The following SLC24A3 variants were observed in gnomAD, a reference collection of about 807,000 sequenced individuals.
SLC24A3 encodes sodium/potassium/calcium exchanger 3.
A neutral mutation model predicts 75.8 loss-of-function variants in SLC24A3; 28 were observed. The ratio of observed to expected loss-of-function variants is 0.37; its 90% CI spans 0.27 to 0.51. SLC24A3 has a LOEUF of 0.51. SLC24A3 is among the 20% of genes least tolerant of loss of function. The probability of loss-of-function intolerance (pLI) is 0.94; values close to 1 mark genes in which losing one functional copy is unlikely to be tolerated. For synonymous variants in SLC24A3, 372 were observed against 334.1 expected (o/e 1.11, Z -1.24); for missense variants, 663 against 847.8 (o/e 0.78, Z 2.71).
intron 2 of SLC24A3, among the ~76,000 whole-genome samples, chr20:19,435,067 A>G (rs979602853): frequency 2.0e-5 from 3 of 152,192 alleles, no homozygotes; most frequent in Non-Finnish European, 4.4e-5. Context: ...TGATCCAATT[A>G]CTCCAGCTTT....
At chr20:19,323,189 G>A (rs2122279819) in intron 2 of SLC24A3, among the ~76,000 whole-genome samples, 2 of 129,218 alleles carry the variant, frequency 1.5e-5, no homozygotes, top group Middle Eastern at 0.011. Context: ...CTGGGCGACA[G>A]AGCGAGACTC....
chr20:19,260,834 C>A (rs1368272331), intron 1 of SLC24A3, among the ~76,000 whole-genome samples: 1 of 152,156 alleles, frequency 6.6e-6, no homozygotes, highest in Non-Finnish European at 1.5e-5. Flanking sequence ...AGTTAGGTAA[C>A]CCCCTCCGGC....
At chr20:19,509,716 G>C (rs1007373901) in intron 2 of SLC24A3, among the ~76,000 whole-genome samples, 1 of 152,246 alleles carries the variant, frequency 6.6e-6, no homozygotes, top group Non-Finnish European at 1.5e-5. Context: ...TGTTCTCAGA[G>C]TTCTTCATCC....
intron 6 of SLC24A3, among the ~76,000 whole-genome samples, chr20:19,594,705 T>C (rs6136782): frequency 0.36 from 54,112 of 151,950 alleles, 9,822 homozygotes; most frequent in Middle Eastern, 0.45. Context: ...GCTGAGTGGA[T>C]GGATGGATGG....
chr20:19,303,749 C>T lies in SLC24A3; in HGVS notation c.271+22662C>T, dbSNP rs190597982. On this transcript the variant is annotated intron_variant, in intron 2 of 16. Coordinates refer to ENST00000328041, the MANE Select transcript of SLC24A3 (RefSeq NM_020689.4). ...TGTTCTATGCAAAAGGAAGTCACCT[C>T]GTGTGTTCCAAGGATGAGAAAAAAC... is the stretch of plus-strand genomic sequence containing the variant. 5.5e-4 allele frequency among the ~76,000 whole-genome samples: 83 copies of T among 152,250 alleles called. 1 individual carries two copies. Among genetic ancestry groups the T allele is most frequent in the African/African-American group, 1.4e-3 (60 of 41,538 alleles).
At position 19,328,530 on chromosome 20, in the gene SLC24A3, G is replaced by A. The variant is rs57189983; in HGVS notation, c.271+47443G>A. 7.1e-3 allele frequency among the ~76,000 whole-genome samples: 1,083 copies of A among 152,258 alleles called. 13 individuals are homozygous for A. Among genetic ancestry groups the A allele is most frequent in the African/African-American group, 0.025 (1,041 of 41,526 alleles). Reference sequence around the variant, plus strand: ...GGTTTGCCTTCTTGCAGGATTGACTGGACATGGTTTGAATTGGTGACAACA... The same window carrying A: ...GGTTTGCCTTCTTGCAGGATTGACTAGACATGGTTTGAATTGGTGACAACA... On this transcript the variant is annotated intron_variant, in intron 2 of 16. Coordinates refer to ENST00000328041, the MANE Select transcript of SLC24A3 (RefSeq NM_020689.4).
At chr20:19,347,040 A>G (rs1985445726) in intron 2 of SLC24A3, among the ~76,000 whole-genome samples, 1 of 152,226 alleles carries the variant, frequency 6.6e-6, no homozygotes, top group Non-Finnish European at 1.5e-5. Flanking sequence ...AGTGATATGA[A>G]GAAATGAGCC....
At chr20:19,610,685 C>G (rs940208197) in intron 6 of SLC24A3, among the ~76,000 whole-genome samples, 7 of 152,230 alleles carry the variant, frequency 4.6e-5, no homozygotes, top group Non-Finnish European at 8.8e-5. Flanking sequence ...CAGGTCACTG[C>G]TCTGGACACC....
At chr20:19,518,046 T>C (rs1216362936) in intron 3 of SLC24A3, among the ~76,000 whole-genome samples, 1 of 152,218 alleles carries the variant, frequency 6.6e-6, no homozygotes, top group East Asian at 1.9e-4. Flanking sequence ...ACAGTCACTT[T>C]TTGTTCAGGG....
chr20:19,308,784 G>A (rs1185065494), intron 2 of SLC24A3, among the ~76,000 whole-genome samples: 3 of 152,232 alleles, frequency 2.0e-5, no homozygotes, highest in South Asian at 2.1e-4. Flanking sequence ...TTGGGATATC[G>A]TTTCTGCCTA....
intron 2 of SLC24A3, among the ~76,000 whole-genome samples, chr20:19,499,485 C>G (rs753227456): frequency 5.9e-5 from 9 of 152,202 alleles, no homozygotes; most frequent in Admixed American, 3.3e-4. Flanking sequence ...GACAAGGTCT[C>G]TCTCCATCAC....
intron 1 of SLC24A3, among the ~76,000 whole-genome samples, chr20:19,276,671 G>A (rs1043619890): frequency 6.6e-6 from 1 of 152,146 alleles, no homozygotes; most frequent in African/African-American, 2.4e-5. Context: ...TTAGGAGGTC[G>A]AGGTGGGAGG....
At chr20:19,548,452 T>C in intron 3 of SLC24A3, among the ~76,000 whole-genome samples, 1 of 152,268 alleles carries the variant, frequency 6.6e-6, no homozygotes, top group East Asian at 1.9e-4. Context: ...CTAATTGTAG[T>C]AACAAATAAA....
intron 7 of SLC24A3, among the ~76,000 whole-genome samples, chr20:19,663,342 C>A (rs930784633): frequency 7.2e-6 from 1 of 138,996 alleles, no homozygotes. Context: ...GAAGGATAAA[C>A]CCGAATGATA....
At chr20:19,317,041 C>A (rs985565218) in intron 2 of SLC24A3, among the ~76,000 whole-genome samples, 1 of 152,018 alleles carries the variant, frequency 6.6e-6, no homozygotes, top group Admixed American at 6.6e-5. Context: ...TGACCTTTGA[C>A]AAACCTGACA....
chr20:19,539,675 G>T (rs2030462564), intron 3 of SLC24A3, among the ~76,000 whole-genome samples: 1 of 152,076 alleles, frequency 6.6e-6, no homozygotes. Context: ...CAAATGTCAG[G>T]TTAACAAGAG....
chr20:19,454,079 A>C (rs1987538171), intron 2 of SLC24A3, among the ~76,000 whole-genome samples: 1 of 152,184 alleles, frequency 6.6e-6, no homozygotes, highest in East Asian at 1.9e-4. Context: ...AGAGTTCAGG[A>C]GGCAGACATG....
At chr20:19,713,490 G>A (rs2033011266) in intron 15 of SLC24A3, among the ~76,000 whole-genome samples, 1 of 152,158 alleles carries the variant, frequency 6.6e-6, no homozygotes, top group Admixed American at 6.5e-5. Context: ...CAGAACACTG[G>A]CCTCCTTATA....
chr20:19,669,127 G>A (rs141426750), intron 8 of SLC24A3, among the ~76,000 whole-genome samples: 1 of 152,170 alleles, frequency 6.6e-6, no homozygotes, highest in African/African-American at 2.4e-5. Context: ...TAGTGGGTGG[G>A]GTTCTCTTAG....
Sources: allele counts gnomAD v4.1 joint callset (sites outside exome capture counted in the v4.1 genomes callset), GRCh38; gene constraint gnomAD v4.1.1; transcripts MANE v1.5; gene names NCBI Gene and HGNC (gene_info 2026-07-23, HGNC 2026-07-21).